The following ST7 variants were observed in gnomAD, a reference collection of about 807,000 sequenced individuals.
The protein encoded by ST7 is suppression of tumorigenicity 7, also known as suppressor of tumorigenicity 7 protein.
ST7 carries 28 observed loss-of-function variants against 78.7 expected under a neutral mutation model. The ratio of observed to expected loss-of-function variants is 0.36; its 90% CI spans 0.26 to 0.49. The LOEUF (loss-of-function observed/expected upper bound fraction) is 0.49. Among genes scored for constraint, ST7 ranks in the 20% least tolerant of loss-of-function variants. The pLI is 0.99. For synonymous variants in ST7, 247 were observed against 249.6 expected, an observed-to-expected ratio of 0.99 and a Z score of 0.10; for missense variants, 418 against 696.0, an observed-to-expected ratio of 0.60 and a Z score of 4.49.
At chr7:117,090,026 G>A (rs965561375) in intron 1 of ST7, among the ~76,000 whole-genome samples, 7 of 152,208 alleles carry the variant, frequency 4.6e-5, no homozygotes, top group Admixed American at 1.3e-4. Flanking sequence ...GAAAGATTCC[G>A]TTGTGAAATT....
chr7:117,114,151 G>A (rs1563091878), intron 2 of ST7, among the ~76,000 whole-genome samples: 2 of 151,858 alleles, frequency 1.3e-5, no homozygotes, highest in African/African-American at 4.8e-5. Flanking sequence ...GATTGGCTGA[G>A]ATCTAGGAAG....
intron 1 of ST7, chr7:116,972,774 C>T (rs1793497297): frequency 4.2e-6 from 4 of 946,258 alleles, no homozygotes; most frequent in Non-Finnish European, 6.9e-6. Context: ...CCACCTCAGC[C>T]TCAGCCTGTT....
intron 10 of ST7, among the ~76,000 whole-genome samples, chr7:117,174,185 C>T (rs1808199222): frequency 6.6e-6 from 1 of 152,188 alleles, no homozygotes; most frequent in African/African-American, 2.4e-5. Flanking sequence ...TACTATATTG[C>T]TATCCTCAGG....
chr7:117,103,710 C>T (rs138617002), intron 2 of ST7, among the ~76,000 whole-genome samples: 11 of 152,138 alleles, frequency 7.2e-5, no homozygotes, highest in African/African-American at 2.6e-4. Flanking sequence ...TGTGTGAGAC[C>T]TCAAAGCACA....
chr7:117,186,290 A>G (rs1809250715), intron 10 of ST7, among the ~76,000 whole-genome samples: 1 of 152,190 alleles, frequency 6.6e-6, no homozygotes, highest in African/African-American at 2.4e-5. Context: ...CTACTCTTGC[A>G]CTTTGTGGCC....
intron 12 of ST7, among the ~76,000 whole-genome samples, chr7:117,196,760 ATTG>A (rs1810357745): frequency 6.8e-6 from 1 of 146,682 alleles, no homozygotes; most frequent in African/African-American, 2.5e-5. Context: ...CGCTCTGTTG[ATTG>A]TTTTCTTTGC....
intron 1 of ST7, among the ~76,000 whole-genome samples, chr7:117,046,009 C>T (rs541875479): frequency 6.6e-6 from 1 of 152,192 alleles, no homozygotes. Context: ...ATAATGTATT[C>T]ATTCACACCT....
chr7:117,221,296 C>T (rs186564463), intron 14 of ST7, among the ~76,000 whole-genome samples: 2 of 152,260 alleles, frequency 1.3e-5, no homozygotes, highest in Admixed American at 1.3e-4. Flanking sequence ...GAGTCTCTTA[C>T]AATTGTGCCA....
intron 1 of ST7, among the ~76,000 whole-genome samples, chr7:117,006,226 G>A (rs1795152768): frequency 6.6e-6 from 1 of 152,230 alleles, no homozygotes; most frequent in Non-Finnish European, 1.5e-5. Context: ...TCAAAAGAGA[G>A]CAGTTGTTAT....
At chr7:117,000,047 G>T (rs542609522) in intron 1 of ST7, among the ~76,000 whole-genome samples, 1 of 152,114 alleles carries the variant, frequency 6.6e-6, no homozygotes, top group South Asian at 2.1e-4. Context: ...TCCTGACCTC[G>T]TGATCCACCC....
intron 8 of ST7, among the ~76,000 whole-genome samples, chr7:117,137,781 A>C (rs546126774): frequency 2.1e-4 from 32 of 152,340 alleles, no homozygotes; most frequent in African/African-American, 7.7e-4. Context: ...AAGACATATA[A>C]TTAAATAAAA....
intron 2 of ST7, among the ~76,000 whole-genome samples, chr7:117,105,944 C>T (rs551343349): frequency 6.6e-6 from 1 of 152,020 alleles, no homozygotes; most frequent in African/African-American, 2.4e-5. Flanking sequence ...AGAAGAAAAT[C>T]GAGACTAACA....
chr7:116,969,476 C>G lies in ST7; in HGVS notation c.151+15785C>G, dbSNP rs1585061996. On this transcript the variant is annotated intron_variant, in intron 1 of 15. Transcript: ENST00000323984. Reference sequence around the variant, plus strand: ...GTGCCATTTTTGTCATGACATAATACCAACTTATCACTGTTGATATTGACC... The same window carrying G: ...GTGCCATTTTTGTCATGACATAATAGCAACTTATCACTGTTGATATTGACC... Among the ~76,000 whole-genome samples the G allele has an allele frequency of 6.6e-5, 10 of 152,266 alleles. No homozygotes were observed. In the South Asian group the frequency reaches 2.1e-3, roughly 32 times the overall value.
intron 2 of ST7, among the ~76,000 whole-genome samples, chr7:117,108,769 A>G (rs1475456481): frequency 6.6e-6 from 1 of 152,068 alleles, no homozygotes; most frequent in Non-Finnish European, 1.5e-5. Flanking sequence ...GATTTCTTTC[A>G]GCAGTGTTTT....
chr7:117,079,266 T>C (rs947532570), intron 1 of ST7, among the ~76,000 whole-genome samples: 1 of 152,152 alleles, frequency 6.6e-6, no homozygotes, highest in African/African-American at 2.4e-5. Flanking sequence ...TGTGCATAAG[T>C]TATAAGCAAA....
At chr7:117,020,681 T>G in intron 1 of ST7, 1 of 1,549,066 alleles carries the variant, frequency 6.5e-7, no homozygotes, top group South Asian at 1.2e-5. Flanking sequence ...CTTGCTGTCA[T>G]GGTTTCATTG....
chr7:116,978,117 C>T (rs1276209969), intron 1 of ST7, among the ~76,000 whole-genome samples: 4 of 152,146 alleles, frequency 2.6e-5, no homozygotes, highest in African/African-American at 4.8e-5. Flanking sequence ...GGGCCAGCCT[C>T]ATATCCTTCT....
rs766713263 is a variant in ST7 at position 117,209,956 on chromosome 7, T to C, written c.1405+19T>C. On this transcript the variant is annotated intron_variant, in intron 13 of 15. Transcript: ENST00000323984. Reference sequence around the variant, plus strand: ...GAAGGCAGTAAGTAATTTTCTTTTTTTGAAACATTTTTAAGAGCATGAAAA... The same window carrying C: ...GAAGGCAGTAAGTAATTTTCTTTTTCTGAAACATTTTTAAGAGCATGAAAA... 5 of 1,601,564 alleles carry C rather than the reference T, an allele frequency of 3.1e-6. No individual in the cohort carries two copies. Among genetic ancestry groups the C allele is most frequent in the South Asian group, 1.1e-5 (1 of 89,202 alleles).
In ST7 at chr7:117,066,764, CAA is replaced by C. The variant is rs35246518; in HGVS notation, c.152-32976_152-32975del. On this transcript the variant is annotated intron_variant, in intron 1 of 15. Coordinates refer to ENST00000323984, the MANE Select transcript of ST7 (RefSeq NM_001369598.1). ...CAACAGAGTGAGACTGACTCCGTCT[CAA>C]AAAAAAAAAAAAAAAAAAAAAGTGG... 9.6e-4 allele frequency among the ~76,000 whole-genome samples: 72 copies of C among 74,740 alleles called. 2 individuals carry two copies. Among genetic ancestry groups the C allele is most frequent in the Middle Eastern group, 7.8e-3 (1 of 128 alleles). The allele number at this position is 74,740 out of a possible 152,430, so 49.0% of individuals were successfully genotyped here.
Sources: allele counts gnomAD v4.1 joint callset (sites outside exome capture counted in the v4.1 genomes callset), GRCh38; gene constraint gnomAD v4.1.1; transcripts MANE v1.5; gene names NCBI Gene and HGNC (gene_info 2026-07-23, HGNC 2026-07-21).